The following PDE11A variants were observed in gnomAD, a reference collection of about 807,000 sequenced individuals.
PDE11A encodes the protein phosphodiesterase 11A, also known as dual 3',5'-cyclic-AMP and -GMP phosphodiesterase 11A.
PDE11A carries 100 observed loss-of-function variants against 100.5 expected under a neutral mutation model. The observed-to-expected ratio is 1.00, with a 90% CI of 0.85 to 1.18. The LOEUF (loss-of-function observed/expected upper bound fraction) is 1.18, where lower values mean the gene tolerates loss of function less well. Among genes scored for constraint, PDE11A ranks in the 50% most tolerant of loss-of-function variants. The pLI, the probability that PDE11A is intolerant of heterozygous loss-of-function variation, is 0.00. For synonymous variants in PDE11A, 381 were observed against 420.8 expected (o/e 0.91, Z 1.16); for missense variants, 1,141 against 1,152.6 (o/e 0.99, Z 0.15).
intron 2 of PDE11A, among the ~76,000 whole-genome samples, chr2:178,089,966 G>A (rs1355568928): frequency 6.6e-6 from 1 of 152,204 alleles, no homozygotes; most frequent in Non-Finnish European, 1.5e-5. Flanking sequence ...GCAGGAGTTG[G>A]AAGAGCTGTT....
chr2:177,772,942 T>C (rs1185375736), intron 9 of PDE11A, among the ~76,000 whole-genome samples: 1 of 151,654 alleles, frequency 6.6e-6, no homozygotes, highest in East Asian at 1.9e-4. Context: ...TTTCTTTTAA[T>C]GTGTCTTTTA....
At chr2:177,878,386 A>T (rs1368376448) in intron 4 of PDE11A, among the ~76,000 whole-genome samples, 1 of 152,144 alleles carries the variant, frequency 6.6e-6, no homozygotes, top group Non-Finnish European at 1.5e-5. Context: ...CATATGGAAG[A>T]CATGCTACAT....
chr2:177,802,656 G>A (rs1464948347), intron 9 of PDE11A, among the ~76,000 whole-genome samples: 2 of 151,984 alleles, frequency 1.3e-5, no homozygotes, highest in Non-Finnish European at 2.9e-5. Flanking sequence ...GAATTATGGT[G>A]GAAAGAATCA....
chr2:177,921,601 T>C (rs931854465), intron 2 of PDE11A: 2 of 150,852 alleles, frequency 1.3e-5, no homozygotes, highest in Non-Finnish European at 3.0e-5. Context: ...ACGAGTCTGA[T>C]TGGAAGATTT....
At chr2:177,648,333 AGTTT>A (rs67344973) in intron 19 of PDE11A, among the ~76,000 whole-genome samples, 88,495 of 151,576 alleles carry the variant, frequency 0.58, 30,271 homozygotes, top group Non-Finnish European at 0.73. Flanking sequence ...ATATGGGAAA[AGTTT>A]GTTTGTGTAG....
chr2:177,869,547 G>C (rs568853797), intron 5 of PDE11A, among the ~76,000 whole-genome samples: 1 of 152,046 alleles, frequency 6.6e-6, no homozygotes, highest in African/African-American at 2.4e-5. Flanking sequence ...CTGTTTTAAG[G>C]GTTCACATGA....
intron 19 of PDE11A, among the ~76,000 whole-genome samples, chr2:177,650,685 T>A (rs1321688450): frequency 6.6e-6 from 1 of 152,200 alleles, no homozygotes; most frequent in African/African-American, 2.4e-5. Flanking sequence ...TATTTCAAAT[T>A]TTATACATAG....
At chr2:177,633,869 A>AT (rs1439446101) in intron 19 of PDE11A, among the ~76,000 whole-genome samples, 3 of 151,966 alleles carry the variant, frequency 2.0e-5, no homozygotes, top group East Asian at 1.9e-4. Flanking sequence ...TCCAGAACTT[A>AT]TTTTTTTTAA....
chr2:178,019,225 T>A (rs1257961633), intron 1 of PDE11A, among the ~76,000 whole-genome samples: 1 of 152,220 alleles, frequency 6.6e-6, no homozygotes, highest in Non-Finnish European at 1.5e-5. Context: ...AAAGCTGATA[T>A]CTCACACTAC....
At chr2:177,777,479 T>C (rs1218349750) in intron 9 of PDE11A, among the ~76,000 whole-genome samples, 1 of 152,186 alleles carries the variant, frequency 6.6e-6, no homozygotes, top group East Asian at 1.9e-4. Flanking sequence ...TTTCTATAGT[T>C]GAGAATAAAT....
chr2:178,074,423 G>T (rs2087180898), upstream of PDE11A, among the ~76,000 whole-genome samples: 1 of 152,132 alleles, frequency 6.6e-6, no homozygotes, highest in South Asian at 2.1e-4. Context: ...TTACTACCCT[G>T]AGACTGGTGA....
At chr2:178,084,062 G>C (rs2087320092) in intron 2 of PDE11A, among the ~76,000 whole-genome samples, 1 of 152,052 alleles carries the variant, frequency 6.6e-6, no homozygotes, top group Non-Finnish European at 1.5e-5. Context: ...ATATAGAAAA[G>C]TGAGCCATTC....
Position 178,068,286 on chromosome 2 carries a change from T to C in PDE11A, c.912+3240A>G, listed in dbSNP as rs1054369387. ...TTTTCCTAATTTCAAGTCTGTCTTT[T>C]AGGACTAATTGAGGAAAGTAATGCA... On this transcript the variant is annotated intron_variant, in intron 1 of 19. Coordinates refer to ENST00000286063, the MANE Select transcript of PDE11A (RefSeq NM_016953.4). 5.9e-5 allele frequency among the ~76,000 whole-genome samples: 9 copies of C among 152,270 alleles called. 1 individual carries two copies. The South Asian group carries it at 1.2e-3, about 21-fold the overall frequency.
At chr2:177,945,153 G>A (rs369524521) in intron 2 of PDE11A, among the ~76,000 whole-genome samples, 3 of 151,238 alleles carry the variant, frequency 2.0e-5, no homozygotes, top group Admixed American at 6.6e-5. Context: ...GTGCAGTGGC[G>A]TGGTCTCGGC....
intron 2 of PDE11A, among the ~76,000 whole-genome samples, chr2:177,913,958 C>T (rs2084916746): frequency 6.6e-6 from 1 of 152,094 alleles, no homozygotes. Flanking sequence ...AAATCATCCT[C>T]CAAAAAGGCT....
chr2:178,000,509 A>G (rs2086131211), intron 2 of PDE11A, among the ~76,000 whole-genome samples: 1 of 152,224 alleles, frequency 6.6e-6, no homozygotes, highest in South Asian at 2.1e-4. Flanking sequence ...AGCAAGAAAA[A>G]TGCTAAAATT....
intron 10 of PDE11A, among the ~76,000 whole-genome samples, chr2:177,749,292 A>G (rs1370466084): frequency 6.6e-6 from 1 of 152,060 alleles, no homozygotes; most frequent in African/African-American, 2.4e-5. Flanking sequence ...GTTCATTGTA[A>G]CCTCAGACTG....
At chr2:177,767,746 G>C (rs1163167574) in intron 10 of PDE11A, among the ~76,000 whole-genome samples, 1 of 152,064 alleles carries the variant, frequency 6.6e-6, no homozygotes, top group African/African-American at 2.4e-5. Context: ...GTGCTCTTCA[G>C]ATGTATTTAT....
At chr2:177,714,139 G>C (rs924296219) in intron 12 of PDE11A, among the ~76,000 whole-genome samples, 1 of 151,594 alleles carries the variant, frequency 6.6e-6, no homozygotes, top group African/African-American at 2.4e-5. Flanking sequence ...GACTACAGGT[G>C]CCCGCCACCA....
Sources: allele counts gnomAD v4.1 joint callset (sites outside exome capture counted in the v4.1 genomes callset), GRCh38; gene constraint gnomAD v4.1.1; transcripts MANE v1.5; gene names NCBI Gene and HGNC (gene_info 2026-07-23, HGNC 2026-07-21).